Variants in AZI2 observed in about 807,000 individuals in gnomAD.
The protein encoded by AZI2 is 5-azacytidine-induced protein 2.
Under a neutral mutation model 45.8 loss-of-function variants are expected in AZI2, and 22 were observed. That is an observed-to-expected ratio of 0.48 (90% CI 0.34 to 0.69). The LOEUF (loss-of-function observed/expected upper bound fraction) is 0.69, where lower values mean the gene tolerates loss of function less well. AZI2 is among the 30% of genes least tolerant of loss of function. AZI2 has a pLI of 0.01. For synonymous variants in AZI2, 137 were observed against 156.7 expected, an observed-to-expected ratio of 0.87 and a Z score of 0.94; for missense variants, 417 against 441.5, an observed-to-expected ratio of 0.94 and a Z score of 0.50.
intron 1 of AZI2, among the ~76,000 whole-genome samples, chr3:28,342,946 G>T (rs1031857739): frequency 1.3e-5 from 2 of 152,004 alleles, no homozygotes; most frequent in African/African-American, 4.8e-5. Context: ...AACATAAACT[G>T]CTCTGCGAAG....
intron 1 of AZI2, among the ~76,000 whole-genome samples, chr3:28,343,536 T>G (rs996850985): frequency 6.8e-6 from 1 of 146,068 alleles, no homozygotes; most frequent in Non-Finnish European, 1.5e-5. Context: ...ACAATGTTGA[T>G]TTTTTTTTTT....
At chr3:28,348,191 G>T (rs1249411986) in intron 1 of AZI2, 1 of 152,160 alleles carries the variant, frequency 6.6e-6, no homozygotes, top group Non-Finnish European at 1.5e-5. Flanking sequence ...GCAGGGGGTC[G>T]ATATTCACCA....
chr3:28,333,417 A>AC (rs1703662448), intron 5 of AZI2, among the ~76,000 whole-genome samples: 1 of 151,686 alleles, frequency 6.6e-6, no homozygotes, highest in Non-Finnish European at 1.5e-5. Context: ...CTAACGAGAC[A>AC]CATGTCCTTG....
chr3:28,335,635 A>G (rs1023021040), intron 5 of AZI2, among the ~76,000 whole-genome samples: 1 of 151,986 alleles, frequency 6.6e-6, no homozygotes, highest in Non-Finnish European at 1.5e-5. Flanking sequence ...CTGCTATATT[A>G]TTCTTAATGT....
At chr3:28,338,886 C>T (rs1489771184) in intron 2 of AZI2, among the ~76,000 whole-genome samples, 1 of 151,912 alleles carries the variant, frequency 6.6e-6, no homozygotes, top group Non-Finnish European at 1.5e-5. Flanking sequence ...ATAATCACAA[C>T]AGAGTATAGA....
At chr3:28,329,756 T>C (rs2125642805) in intron 6 of AZI2, among the ~76,000 whole-genome samples, 1 of 151,408 alleles carries the variant, frequency 6.6e-6, no homozygotes, top group East Asian at 1.9e-4. Context: ...AAAGTGTGTA[T>C]TTTGACAACT....
chr3:28,323,713 C>T lies in AZI2; in HGVS notation c.*329G>A, dbSNP rs555966165. ...AGACATTTCACATTTTGTAAAACCA[C>T]GTCTACAATCTCCAATTCCATTCTT... On this transcript the variant is annotated 3_prime_UTR_variant, in exon 8 of 8. Coordinates refer to ENST00000479665, the MANE Select transcript of AZI2 (RefSeq NM_022461.5). 3 of 187,856 alleles carry T rather than the reference C, an allele frequency of 1.6e-5. No individual in the cohort carries two copies. Among genetic ancestry groups the T allele is most frequent in the East Asian group, 2.6e-4 (2 of 7,636 alleles). The allele number at this position is 187,856 out of a possible 1,614,324, so 11.6% of individuals were successfully genotyped here.
intron 1 of AZI2, among the ~76,000 whole-genome samples, chr3:28,342,711 GCA>G (rs71087691): frequency 0.1 from 14,773 of 147,358 alleles, 744 homozygotes; most frequent in Non-Finnish European, 0.11. Context: ...TCTTACACAT[GCA>G]CACACACACA....
At position 28,323,682 on chromosome 3, in the gene AZI2, A is replaced by G. The variant is rs1703265776; in HGVS notation, c.*360T>C. 6.0e-6 allele frequency: 1 copy of G among 165,972 alleles called. No individual in the cohort carries two copies. Among genetic ancestry groups the G allele is most frequent in the Admixed American group, 6.3e-5 (1 of 15,982 alleles). The allele number at this position is 165,972 out of a possible 1,614,324, so 10.3% of individuals were successfully genotyped here. On this transcript the variant is annotated 3_prime_UTR_variant, in exon 8 of 8. Transcript: ENST00000479665. ...GTTTTCCTTTTATTTTTATGAACAG[A>G]TATTTAGACATTTCACATTTTGTAA...
At chr3:28,329,602 A>G (rs994628595) in intron 6 of AZI2, among the ~76,000 whole-genome samples, 2 of 151,288 alleles carry the variant, frequency 1.3e-5, no homozygotes, top group South Asian at 2.1e-4. Context: ...TATTCCTTGT[A>G]TAAGAAAAAT....
intron 2 of AZI2, among the ~76,000 whole-genome samples, 174 bp downstream of exon 2, chr3:28,340,228 A>G (rs569500056): frequency 2.0e-5 from 3 of 152,204 alleles, no homozygotes; most frequent in African/African-American, 7.2e-5. Context: ...TACCAAGTAC[A>G]TGGTATGTGA....
chr3:28,340,216 T>C (rs555981460), intron 2 of AZI2, among the ~76,000 whole-genome samples, 186 bp downstream of exon 2: 83 of 152,142 alleles, frequency 5.5e-4, no homozygotes, highest in Non-Finnish European at 8.2e-4. Flanking sequence ...CCTACAAATA[T>C]TTACCAAGTA....
At position 28,323,882 on chromosome 3, in the gene AZI2, T is replaced by C; in HGVS notation, c.*160A>G. Reference sequence around the variant, plus strand: ...CTCTTTCATACTAGAAAACCAACTATGTTGGTTTTTGTACTATTGTACAGT... The same window carrying C: ...CTCTTTCATACTAGAAAACCAACTACGTTGGTTTTTGTACTATTGTACAGT... On this transcript the variant is annotated 3_prime_UTR_variant, in exon 8 of 8. Coordinates refer to ENST00000479665, the MANE Select transcript of AZI2 (RefSeq NM_022461.5). The C allele has an allele frequency of 4.2e-6, 3 of 709,868 alleles. No individual in the cohort carries two copies. Among genetic ancestry groups the C allele is most frequent in the Non-Finnish European group, 6.7e-6 (3 of 448,806 alleles). The allele number at this position is 709,868 out of a possible 1,614,324, so 44.0% of individuals were successfully genotyped here.
In AZI2 at chr3:28,343,741, A is replaced by T. The variant is rs559143738; in HGVS notation, c.-5-3119T>A. Among the ~76,000 whole-genome samples, 5 of 152,142 alleles carry T rather than the reference A, an allele frequency of 3.3e-5. No individual in the cohort carries two copies. In the East Asian group the frequency reaches 9.6e-4, roughly 29 times the overall value. ...GTATGAACCAGGACTTGGATTTTAG[A>T]GCCTGAGCTATTAATATTTTCCCCT... On this transcript the variant is annotated intron_variant, in intron 1 of 7. Coordinates refer to ENST00000479665, the MANE Select transcript of AZI2 (RefSeq NM_022461.5).
At chr3:28,330,643 G>A (rs1033206552) in intron 6 of AZI2, among the ~76,000 whole-genome samples, 1 of 151,286 alleles carries the variant, frequency 6.6e-6, no homozygotes. Context: ...TTGACCAACA[G>A]TAGGCCACAA....
intron 6 of AZI2, among the ~76,000 whole-genome samples, chr3:28,331,350 A>G (rs1320852378): frequency 1.3e-5 from 2 of 151,526 alleles, no homozygotes; most frequent in East Asian, 1.9e-4. Flanking sequence ...CATGGATACT[A>G]TACTAGACAC....
chr3:28,332,087 C>A, intron 6 of AZI2: 2 of 625,788 alleles, frequency 3.2e-6, no homozygotes, highest in South Asian at 4.5e-5. Flanking sequence ...TTCAGTATTA[C>A]AGAATACCTC....
At chr3:28,327,468 TTGAC>T (rs1440287011) in intron 6 of AZI2, among the ~76,000 whole-genome samples, 1 of 151,004 alleles carries the variant, frequency 6.6e-6, no homozygotes, top group Non-Finnish European at 1.5e-5. Context: ...TTCTTTATGT[TTGAC>T]TGGGCTGTCT....
At chr3:28,326,770 C>T (rs1478871718) in intron 7 of AZI2, 62 bp downstream of exon 7, 2 of 1,168,616 alleles carry the variant, frequency 1.7e-6, no homozygotes, top group Non-Finnish European at 2.6e-6. Context: ...TAAGATATGA[C>T]AGCTAGTTGC....
Sources: gnomAD v4.1 joint callset for allele counts (sites outside exome capture counted in the v4.1 genomes callset) on GRCh38, gnomAD v4.1.1 for gene constraint, MANE v1.5 for transcripts, NCBI Gene and HGNC (gene_info 2026-07-23, HGNC 2026-07-21) for gene names.